The following STX1A variants were observed in gnomAD, a reference collection of about 807,000 sequenced individuals.
STX1A encodes syntaxin-1A.
A neutral mutation model predicts 37.8 loss-of-function variants in STX1A; 4 were observed. The ratio of observed to expected loss-of-function variants is 0.11; its 90% CI spans 0.05 to 0.24. The LOEUF is 0.24. Ranked by LOEUF, STX1A falls within the 10% of genes least tolerant of loss-of-function variation. The pLI is 1.00. For synonymous variants in STX1A, 135 were observed against 147.4 expected (o/e 0.92, Z 0.61); for missense variants, 251 against 399.9 (o/e 0.63, Z 3.18).
chr7:73,710,055 C>T (rs1405139002), intron 1 of STX1A, among the ~76,000 whole-genome samples: 3 of 152,150 alleles, frequency 2.0e-5, no homozygotes, highest in African/African-American at 4.8e-5. Context: ...TGCCATTGGA[C>T]CTCGGTCTGC....
In STX1A at chr7:73,704,335, A is replaced by C. The variant is rs1554616472; in HGVS notation, c.357+15T>G. 6.2e-7 allele frequency: 1 copy of C among 1,613,706 alleles called. No homozygotes were observed. The highest frequency in any genetic ancestry group is 8.5e-7 in the Non-Finnish European group (1 of 1,179,954). ...AGACTCAGGTGCCCGCCCATCCTAG[A>C]CTCCGTGGCCGCACCTGTGTCTTCC... On this transcript the variant is annotated intron_variant, in intron 5 of 9. Transcript: ENST00000222812.
At chr7:73,711,489 C>G (rs1799101366) in intron 1 of STX1A, 1 of 153,032 alleles carries the variant, frequency 6.5e-6, no homozygotes, top group Non-Finnish European at 1.5e-5. Flanking sequence ...GTGCCTGGGG[C>G]TGTCACCAGG....
rs1409723031 is a variant in STX1A at position 73,702,139 on chromosome 7, G to C, written c.678+706C>G. 6.6e-6 allele frequency among the ~76,000 whole-genome samples: 1 copy of C among 152,114 alleles called. No individual in the cohort carries two copies. The highest frequency in any genetic ancestry group is 1.5e-5 in the Non-Finnish European group (1 of 68,020). On this transcript the variant is annotated intron_variant, in intron 8 of 9. Transcript: ENST00000222812. This position sits in a 1 kb window ranked among gnomAD's most constrained non-coding sequence, Gnocchi z 4.7. ...TGGGACCTTAGTGTTGCTGGGGCCA[G>C]CTCTTCATCTCCGCTGCGAAGTCTT...
intron 4 of STX1A, chr7:73,704,734 G>C: frequency 1.9e-6 from 1 of 524,554 alleles, no homozygotes; most frequent in Non-Finnish European, 3.5e-6. Context: ...GTGTACGAGG[G>C]ACCATGCCCA....
rs1799029669 is a variant in STX1A, at chr7:73,709,774, T to C, written c.31-652A>G. On this transcript the variant is annotated intron_variant, in intron 1 of 9. Transcript: ENST00000222812. The surrounding 1 kb of genome is among the most constrained non-coding windows in gnomAD (Gnocchi z 4.2). The stretch of plus-strand genomic sequence containing the variant: ...CAAGCTCCCTTTCCAGAGTGGGCCC[T>C]ATAAGGGGAGACCTGCCTACTGTGT... 6.6e-6 allele frequency among the ~76,000 whole-genome samples: 1 copy of C among 152,152 alleles called. No individual in the cohort carries two copies. Among genetic ancestry groups the C allele is most frequent in the African/African-American group, 2.4e-5 (1 of 41,430 alleles).
chr7:73,714,257 C>T (rs1190580037), intron 1 of STX1A, among the ~76,000 whole-genome samples: 5 of 151,254 alleles, frequency 3.3e-5, no homozygotes, highest in Non-Finnish European at 7.4e-5. Context: ...TACAGGCACC[C>T]GCACCACACC....
At chr7:73,714,711 G>A (rs1799228749) in intron 1 of STX1A, among the ~76,000 whole-genome samples, 1 of 151,106 alleles carries the variant, frequency 6.6e-6, no homozygotes, top group African/African-American at 2.4e-5. Flanking sequence ...ACATCCTGGT[G>A]TTTTTTTGTT....
rs1798572229 is a variant in STX1A, at chr7:73,699,613, G to C, written c.*794C>G. ...AGACTGCAGGCCTGAAATGACATCTGACTTCCCAGAGCGCAAGACAACAGG... is the reference window on the plus strand; with the variant it reads ...AGACTGCAGGCCTGAAATGACATCTCACTTCCCAGAGCGCAAGACAACAGG... On this transcript the variant is annotated 3_prime_UTR_variant, in exon 10 of 10. Transcript: ENST00000222812. The C allele has an allele frequency of 6.6e-6, 1 of 152,638 alleles. No homozygotes were observed. Among genetic ancestry groups the C allele is most frequent in the Admixed American group, 6.5e-5 (1 of 15,288 alleles). The allele number at this position is 152,638 out of a possible 1,614,324, so 9.5% of individuals were successfully genotyped here. A position where few individuals can be genotyped will look rare whatever the true frequency, so the allele number is the denominator to read the frequency against.
chr7:73,710,919 C>A (rs1799079260), intron 1 of STX1A, among the ~76,000 whole-genome samples: 1 of 152,162 alleles, frequency 6.6e-6, no homozygotes, highest in Non-Finnish European at 1.5e-5. Context: ...GACAGTGACA[C>A]CTGGCTGCAT....
intron 1 of STX1A, among the ~76,000 whole-genome samples, chr7:73,714,578 G>C (rs1554618434): frequency 6.6e-6 from 1 of 151,758 alleles, no homozygotes; most frequent in African/African-American, 2.4e-5. Context: ...TTTTAAATTT[G>C]TGTAGAGATG....
In STX1A at chr7:73,705,125, C is replaced by T; in HGVS notation, c.283+25G>A. Reference sequence around the variant, plus strand: ...GAAGCAGGCCTAGAATGCCCCCCACCCACCCCCAGACAAGCCTGACTCACT... The same window carrying T: ...GAAGCAGGCCTAGAATGCCCCCCACTCACCCCCAGACAAGCCTGACTCACT... On this transcript the variant is annotated intron_variant, in intron 4 of 9. Transcript: ENST00000222812. This position sits in a 1 kb window ranked among gnomAD's most constrained non-coding sequence, Gnocchi z 5.2. The T allele has an allele frequency of 6.2e-7, 1 of 1,611,938 alleles. No homozygotes were observed. Among genetic ancestry groups the T allele is most frequent in the Non-Finnish European group, 8.5e-7 (1 of 1,177,992 alleles).
intron 1 of STX1A, 93 bp downstream of exon 1, chr7:73,719,509 C>T: frequency 8.8e-7 from 1 of 1,140,108 alleles, no homozygotes; most frequent in Non-Finnish European, 1.1e-6. Context: ...CAGGAGCGGC[C>T]ACCATCCTGG....
Position 73,702,567 on chromosome 7 carries a change from C to T in STX1A, c.678+278G>A. The T allele has an allele frequency of 1.1e-6, 1 of 929,116 alleles. No homozygotes were observed. The highest frequency in any genetic ancestry group is 1.5e-6 in the Non-Finnish European group (1 of 649,954). The allele number at this position is 929,116 out of a possible 1,614,324, so 57.6% of individuals were successfully genotyped here. On this transcript the variant is annotated intron_variant, in intron 8 of 9. Transcript: ENST00000222812. This position sits in a 1 kb window ranked among gnomAD's most constrained non-coding sequence, Gnocchi z 4.7. ...GGGGAAATGCGTGGCCCACAGTGGC[C>T]CCATGAGGAAACAGTAGTAGGGGAA...
Position 73,704,092 on chromosome 7 carries a change from T to C in STX1A, c.466+56A>G, listed in dbSNP as rs1248305860. On this transcript the variant is annotated intron_variant, in intron 6 of 9. Transcript: ENST00000222812. ...TTGAGCCACGCACTCAGCAGCAGAC[T>C]CGGGCCCCGCCCCTCCAGGCTCCAG... 3.3e-6 allele frequency: 5 copies of C among 1,520,832 alleles called. No homozygotes were observed. The African/African-American group carries it at 6.9e-5, about 21-fold the overall frequency. The allele number at this position is 1,520,832 out of a possible 1,614,324, so 94.2% of individuals were successfully genotyped here.
Position 73,706,605 on chromosome 7 carries a change from G to C in STX1A, c.209-1381C>G, listed in dbSNP as rs1798882087. On this transcript the variant is annotated intron_variant, in intron 3 of 9. Transcript: ENST00000222812. The surrounding 1 kb of genome is among the most constrained non-coding windows in gnomAD (Gnocchi z 4.6). ...TATGACTGTGCATGACACCGCAGCA[G>C]GAGACGGTGCAGGAGGTGGCCTGCA... 6.6e-6 allele frequency among the ~76,000 whole-genome samples: 1 copy of C among 152,166 alleles called. No homozygotes were observed.
intron 1 of STX1A, 48 bp downstream of exon 1, chr7:73,719,554 G>C: frequency 1.7e-6 from 2 of 1,204,514 alleles, no homozygotes; most frequent in Non-Finnish European, 2.1e-6. Flanking sequence ...CCGGCGCGTT[G>C]GCGCTGGCGG....
Position 73,702,822 on chromosome 7 carries a change from G to A in STX1A, c.678+23C>T. Reference sequence around the variant, plus strand: ...GGGTGCTGGTGTGGGCTGGAGTGGAGGGCAGGGGGGCCCGGCACTCACCTG... The same window carrying A: ...GGGTGCTGGTGTGGGCTGGAGTGGAAGGCAGGGGGGCCCGGCACTCACCTG... On this transcript the variant is annotated intron_variant, in intron 8 of 9. Coordinates refer to ENST00000222812, the MANE Select transcript of STX1A (RefSeq NM_004603.4). The surrounding 1 kb of genome is among the most constrained non-coding windows in gnomAD (Gnocchi z 4.7). The A allele has an allele frequency of 6.2e-7, 1 of 1,613,776 alleles. No individual in the cohort carries two copies. Among genetic ancestry groups the A allele is most frequent in the Non-Finnish European group, 8.5e-7 (1 of 1,179,962 alleles).
In STX1A at chr7:73,705,554, G is replaced by A. The variant is rs1011769224; in HGVS notation, c.209-330C>T. On this transcript the variant is annotated intron_variant, in intron 3 of 9. Coordinates refer to ENST00000222812, the MANE Select transcript of STX1A (RefSeq NM_004603.4). The surrounding 1 kb of genome is among the most constrained non-coding windows in gnomAD (Gnocchi z 5.2). Reference sequence around the variant, plus strand: ...AGCTGGCGATGCTGGAGTTGGCGCCGGGAACAGTGACTTGATGCTTGCTGG... The same window carrying A: ...AGCTGGCGATGCTGGAGTTGGCGCCAGGAACAGTGACTTGATGCTTGCTGG... 12 of 317,496 alleles carry A rather than the reference G, an allele frequency of 3.8e-5. No individual in the cohort carries two copies. The highest frequency in any genetic ancestry group is 1.8e-4 in the Admixed American group (4 of 22,276). The allele number at this position is 317,496 out of a possible 1,614,324, so 19.7% of individuals were successfully genotyped here.
chr7:73,703,383 A>C, intron 7 of STX1A: 1 of 574,332 alleles, frequency 1.7e-6, no homozygotes, highest in Non-Finnish European at 3.3e-6. Flanking sequence ...TCACAGCCCC[A>C]AGCCTGCCTC....
Sources: allele counts gnomAD v4.1 joint callset (sites outside exome capture counted in the v4.1 genomes callset), GRCh38; gene constraint gnomAD v4.1.1; non-coding constraint Gnocchi (gnomAD v3.1); transcripts MANE v1.5; gene names NCBI Gene and HGNC (gene_info 2026-07-23, HGNC 2026-07-21).